Variants in KANSL1L observed in about 807,000 individuals in gnomAD.
The protein encoded by KANSL1L is KAT8 regulatory NSL complex subunit 1 like.
Under a neutral mutation model 108.6 loss-of-function variants are expected in KANSL1L, and 25 were observed. The ratio of observed to expected loss-of-function variants is 0.23; its 90% CI spans 0.17 to 0.32. The LOEUF is 0.32. KANSL1L is among the 10% of genes least tolerant of loss of function. The pLI, the probability that KANSL1L is intolerant of heterozygous loss-of-function variation, is 1.00. For missense variants in KANSL1L, 1,137 were observed against 1,125.7 expected (o/e 1.01, Z -0.14); for synonymous variants, 405 against 395.1 (o/e 1.03, Z -0.30).
intron 5 of KANSL1L, among the ~76,000 whole-genome samples, chr2:210,081,945 G>A: frequency 6.6e-6 from 1 of 152,030 alleles, no homozygotes; most frequent in East Asian, 1.9e-4. Flanking sequence ...AGGGTTTTTT[G>A]TTTTTCAGAG....
chr2:210,117,696 G>C (rs1447520097), intron 3 of KANSL1L, among the ~76,000 whole-genome samples: 1 of 151,708 alleles, frequency 6.6e-6, no homozygotes, highest in Non-Finnish European at 1.5e-5. Flanking sequence ...AAAAAACAGG[G>C]AAGATTCAAA....
chr2:210,051,741 C>T (rs983383079), intron 6 of KANSL1L, among the ~76,000 whole-genome samples: 4 of 152,072 alleles, frequency 2.6e-5, no homozygotes, highest in African/African-American at 7.2e-5. Context: ...CCCTTCGAAG[C>T]TTTAACATCT....
At chr2:210,072,994 TTATC>T (rs2094517799) in intron 6 of KANSL1L, among the ~76,000 whole-genome samples, 1 of 152,194 alleles carries the variant, frequency 6.6e-6, no homozygotes, top group African/African-American at 2.4e-5. Flanking sequence ...TTTCACCAAT[TTATC>T]TATCATCAGT....
chr2:210,069,823 T>C (rs2094493731), intron 6 of KANSL1L, among the ~76,000 whole-genome samples: 1 of 17,764 alleles, frequency 5.6e-5, no homozygotes, highest in Non-Finnish European at 9.8e-5. Context: ...TTTTTTTTTT[T>C]TTTTTTTTTT....
Position 210,075,667 on chromosome 2 carries a change from C to G in KANSL1L, c.1640G>C (p.Arg547Thr), listed in dbSNP as rs1287073210. Residue 547 changes from arginine to threonine, a missense_variant, in exon 6 of 15, where the codon AGA becomes ACA. By Grantham distance (71) the Arg-to-Thr change is moderately conservative (BLOSUM62 -1). Transcript: ENST00000281772. ...GAAAGTCAAGGATGAAGATTTCAGTCTTGTCCTGTCTTTTCTCTTTTTCTT... is the reference window on the plus strand; with the variant it reads ...GAAAGTCAAGGATGAAGATTTCAGTGTTGTCCTGTCTTTTCTCTTTTTCTT... ...HSKKKRKDRT[R>T]LKSSSLTFMS... 2 of 1,613,848 alleles carry G rather than the reference C, an allele frequency of 1.2e-6. No homozygotes were observed. The highest frequency in any genetic ancestry group is 8.5e-7 in the Non-Finnish European group (1 of 1,179,802).
intron 2 of KANSL1L, chr2:210,153,138 A>T (rs984214750): frequency 6.1e-6 from 1 of 165,258 alleles, no homozygotes; most frequent in African/African-American, 2.4e-5. Flanking sequence ...GGTGGATCAC[A>T]AGGTCAGGAG....
At chr2:210,118,757 C>T (rs1278532532) in intron 3 of KANSL1L, among the ~76,000 whole-genome samples, 2 of 151,238 alleles carry the variant, frequency 1.3e-5, no homozygotes, top group Non-Finnish European at 2.9e-5. Context: ...GGTGGAAGGA[C>T]TGCTTGAGCC....
chr2:210,065,481 T>C (rs894233935), intron 6 of KANSL1L, among the ~76,000 whole-genome samples: 3 of 151,668 alleles, frequency 2.0e-5, no homozygotes, highest in African/African-American at 7.3e-5. Context: ...CCAGTAAAAC[T>C]GTGGCCTCAG....
At chr2:210,079,381 A>T (rs887108174) in intron 5 of KANSL1L, among the ~76,000 whole-genome samples, 8 of 151,516 alleles carry the variant, frequency 5.3e-5, no homozygotes, top group African/African-American at 1.9e-4. Flanking sequence ...GGATCACTTG[A>T]GGTCAGGAGT....
At position 210,078,584 on chromosome 2, in the gene KANSL1L, TGTA is replaced by T. The variant is rs1450889904; in HGVS notation, c.1551-2831_1551-2829del. On this transcript the variant is annotated intron_variant, in intron 5 of 14. Transcript: ENST00000281772. ...AACTGCATATTCTCATCAAAGCTAA[TGTA>T]GTACAAAATCATTTCCATAAATAAT... is the stretch of plus-strand genomic sequence containing the variant. Among the ~76,000 whole-genome samples, 16 of 152,358 alleles carry T rather than the reference TGTA, an allele frequency of 1.1e-4. No individual in the cohort carries two copies. The South Asian group carries it at 2.5e-3, about 24-fold the overall frequency.
Position 210,028,951 on chromosome 2 carries a change from A to T in KANSL1L, c.2290T>A (p.Leu764Met). 6.2e-7 allele frequency: 1 copy of T among 1,611,394 alleles called. No homozygotes were observed. Among genetic ancestry groups the T allele is most frequent in the Non-Finnish European group, 8.5e-7 (1 of 1,178,304 alleles). ...NSSRNTARRRLRSESSYDIDN... is the reference protein window; with the variant it reads ...NSSRNTARRRMRSESSYDIDN... ...ATGTCATAAGAGCTCTCACTTCTCAATCTCCGTCGTGCAGTATTCTGCAAA... is the reference window on the plus strand; with the variant it reads ...ATGTCATAAGAGCTCTCACTTCTCATTCTCCGTCGTGCAGTATTCTGCAAA... Residue 764 changes from leucine to methionine, a missense_variant, in exon 11 of 15, where the codon TTG becomes ATG. By Grantham distance (15) the Leu-to-Met change is conservative. Transcript: ENST00000281772.
At chr2:210,055,913 A>G (rs2094345025) in intron 6 of KANSL1L, among the ~76,000 whole-genome samples, 1 of 152,262 alleles carries the variant, frequency 6.6e-6, no homozygotes, top group Non-Finnish European at 1.5e-5. Flanking sequence ...CTGCATAAGT[A>G]ACAAGGAGCA....
At chr2:210,040,025 C>T (rs904667837) in intron 8 of KANSL1L, among the ~76,000 whole-genome samples, 12 of 151,376 alleles carry the variant, frequency 7.9e-5, no homozygotes, top group African/African-American at 2.9e-4. Flanking sequence ...TTATATTTTC[C>T]CCTGTTTAGT....
rs894982937 is a variant in KANSL1L, at chr2:210,113,120, C to A, written c.1231-8819G>T. Among the ~76,000 whole-genome samples, 3 of 152,252 alleles carry A rather than the reference C, an allele frequency of 2.0e-5. No individual in the cohort carries two copies. The South Asian group carries it at 6.2e-4, about 32-fold the overall frequency. On this transcript the variant is annotated intron_variant, in intron 3 of 14. Coordinates refer to ENST00000281772, the MANE Select transcript of KANSL1L (RefSeq NM_152519.4). ...CACAGAGGTACAGACAAAGAGGCAA[C>A]CATTGTTGTAGTACCTCCCTCCTTT... is the stretch of plus-strand genomic sequence containing the variant.
At chr2:210,026,258 A>G (rs542980793) in intron 12 of KANSL1L, 1 of 152,218 alleles carries the variant, frequency 6.6e-6, no homozygotes, top group Non-Finnish European at 1.5e-5. Flanking sequence ...ACAGAAACCA[A>G]GTGTCTTCAA....
At chr2:210,155,453 C>T (rs1389021419) in intron 1 of KANSL1L, among the ~76,000 whole-genome samples, 1 of 152,072 alleles carries the variant, frequency 6.6e-6, no homozygotes, top group Non-Finnish European at 1.5e-5. Context: ...GAACTAAAAA[C>T]ATATAACTTC....
chr2:210,157,888 G>C (rs1050782711), intron 1 of KANSL1L, among the ~76,000 whole-genome samples: 6 of 128,238 alleles, frequency 4.7e-5, no homozygotes, highest in African/African-American at 1.5e-4. Flanking sequence ...TTGAGTGACA[G>C]AGCAAGACCC....
intron 5 of KANSL1L, among the ~76,000 whole-genome samples, chr2:210,079,288 A>T (rs141256694): frequency 1.2e-3 from 182 of 152,236 alleles, no homozygotes; most frequent in African/African-American, 4.0e-3. Flanking sequence ...ATATTGTTGT[A>T]GAATAATTAT....
At chr2:210,164,053 G>T (rs2095374471) in intron 1 of KANSL1L, among the ~76,000 whole-genome samples, 1 of 151,998 alleles carries the variant, frequency 6.6e-6, no homozygotes. Flanking sequence ...ATATGAAGTG[G>T]CTACATATGT....
Sources: allele counts gnomAD v4.1 joint callset (sites outside exome capture counted in the v4.1 genomes callset), GRCh38; gene constraint gnomAD v4.1.1; transcripts MANE v1.5; gene names NCBI Gene and HGNC (gene_info 2026-07-23, HGNC 2026-07-21).